CREB5: variants seen among roughly 807,000 people sequenced by gnomAD.
The protein encoded by CREB5 is cyclic AMP-responsive element-binding protein 5.
CREB5 carries 19 observed loss-of-function variants against 57.1 expected under a neutral mutation model. The observed-to-expected ratio is 0.33, with a 90% CI of 0.23 to 0.49. The LOEUF (loss-of-function observed/expected upper bound fraction) is 0.49. Among genes scored for constraint, CREB5 ranks in the 20% least tolerant of loss-of-function variants. The pLI is 0.99. For synonymous variants in CREB5, 238 were observed against 238.3 expected (o/e 1.00, Z 0.01); for missense variants, 579 against 671.6 (o/e 0.86, Z 1.52).
At chr7:28,299,328 T>C (rs1331543709) in exon 1 of CREB5, 5 of 152,226 alleles carry the variant, frequency 3.3e-5, no homozygotes. Context: ...TTTGATCTGA[T>C]GAATCCAAGG....
At chr7:28,788,349 C>T (rs1807458154) in intron 7 of CREB5, among the ~76,000 whole-genome samples, 1 of 152,160 alleles carries the variant, frequency 6.6e-6, no homozygotes, top group South Asian at 2.1e-4. Flanking sequence ...TAGGTTAAGC[C>T]ATGACCAGGT....
chr7:28,638,850 A>G (rs1798533112), intron 5 of CREB5, among the ~76,000 whole-genome samples: 2 of 152,166 alleles, frequency 1.3e-5, no homozygotes, highest in Admixed American at 6.5e-5. Flanking sequence ...TTGCTCCTCC[A>G]AAAGAGTGGT....
chr7:28,535,519 TC>T (rs1793918004), intron 4 of CREB5, among the ~76,000 whole-genome samples: 1 of 139,500 alleles, frequency 7.2e-6, no homozygotes, highest in Non-Finnish European at 1.6e-5. Flanking sequence ...TACCTTACTT[TC>T]CTTCACTTAT....
chr7:28,655,490 G>A lies in CREB5; in HGVS notation c.465-63263G>A, dbSNP rs549902999. On this transcript the variant is annotated intron_variant, in intron 5 of 10. Coordinates refer to ENST00000357727, the MANE Select transcript of CREB5 (RefSeq NM_182898.4). ...GCCAGGCATTGTGGCACATACCTGT[G>A]GTCCTAGCTACTCAGGAAGCTGAGG... 2.3e-4 allele frequency among the ~76,000 whole-genome samples: 35 copies of A among 152,084 alleles called. No individual in the cohort carries two copies. The South Asian group carries it at 6.5e-3, about 28-fold the overall frequency.
chr7:28,611,502 A>AAAAT (rs1173150248), intron 5 of CREB5, among the ~76,000 whole-genome samples: 6 of 147,504 alleles, frequency 4.1e-5, no homozygotes, highest in Non-Finnish European at 7.5e-5. Context: ...AAAAAAAAAA[A>AAAAT]AAAAAAAAAA....
intron 4 of CREB5, among the ~76,000 whole-genome samples, chr7:28,545,918 T>C (rs890332260): frequency 6.6e-6 from 1 of 152,220 alleles, no homozygotes; most frequent in African/African-American, 2.4e-5. Context: ...CACTTCTTCA[T>C]TGCTTCTAAC....
chr7:28,788,842 A>AG, intron 7 of CREB5, among the ~76,000 whole-genome samples: 1 of 152,030 alleles, frequency 6.6e-6, no homozygotes, highest in East Asian at 1.9e-4. Context: ...AAAAAAAAAA[A>AG]AAAGCCATGG....
chr7:28,516,178 T>TA (rs1454259260), intron 4 of CREB5, among the ~76,000 whole-genome samples: 5 of 152,066 alleles, frequency 3.3e-5, no homozygotes, highest in African/African-American at 1.2e-4. Flanking sequence ...CGCACCACTG[T>TA]ACTCGACTGA....
chr7:28,759,899 G>A (rs1441898549), intron 7 of CREB5, among the ~76,000 whole-genome samples: 5 of 152,182 alleles, frequency 3.3e-5, no homozygotes, highest in Non-Finnish European at 7.3e-5. Context: ...GAAATGGAAA[G>A]CTTGCCAATT....
chr7:28,773,121 G>GT (rs899721812), intron 7 of CREB5, among the ~76,000 whole-genome samples: 82 of 151,974 alleles, frequency 5.4e-4, no homozygotes, highest in African/African-American at 1.9e-3. Context: ...TTTAATATCT[G>GT]TTTTTTAAAA....
intron 1 of CREB5, among the ~76,000 whole-genome samples, chr7:28,319,714 T>C (rs1314104609): frequency 6.6e-6 from 1 of 152,132 alleles, no homozygotes; most frequent in African/African-American, 2.4e-5. Flanking sequence ...AGAGTGAGCA[T>C]CCCCGAAGTC....
chr7:28,708,783 T>C (rs888549511), intron 5 of CREB5, among the ~76,000 whole-genome samples: 27 of 152,198 alleles, frequency 1.8e-4, no homozygotes, highest in African/African-American at 6.5e-4. Flanking sequence ...AATTGCTGAC[T>C]TGGAGCTCAG....
chr7:28,802,001 C>T (rs141294084), intron 7 of CREB5, among the ~76,000 whole-genome samples: 4,639 of 139,782 alleles, frequency 0.033, 103 homozygotes, highest in Non-Finnish European at 0.046. Flanking sequence ...AGGAGAATCG[C>T]TTGAACCCGG....
chr7:28,317,208 C>T (rs1217880463), intron 1 of CREB5, among the ~76,000 whole-genome samples: 1 of 152,082 alleles, frequency 6.6e-6, no homozygotes, highest in Non-Finnish European at 1.5e-5. Flanking sequence ...ACTGACATCT[C>T]ACACAGAAAA....
At chr7:28,470,384 A>G (rs1583502200) in intron 1 of CREB5, among the ~76,000 whole-genome samples, 1 of 152,066 alleles carries the variant, frequency 6.6e-6, no homozygotes, top group Middle Eastern at 3.2e-3. Flanking sequence ...TTTCATCCAT[A>G]TTGTTGCAAA....
chr7:28,497,287 A>G (rs1447387444), intron 3 of CREB5, among the ~76,000 whole-genome samples: 1 of 152,264 alleles, frequency 6.6e-6, no homozygotes, highest in African/African-American at 2.4e-5. Flanking sequence ...GCATTCTTCT[A>G]TATAGTGCCT....
chr7:28,527,391 TG>T (rs1769941056), intron 4 of CREB5, among the ~76,000 whole-genome samples: 2 of 152,222 alleles, frequency 1.3e-5, no homozygotes, highest in South Asian at 4.1e-4. Flanking sequence ...CAATGTGACC[TG>T]GGACTGTGCT....
At chr7:28,768,121 A>G (rs1806107292) in intron 7 of CREB5, among the ~76,000 whole-genome samples, 1 of 152,148 alleles carries the variant, frequency 6.6e-6, no homozygotes, top group Admixed American at 6.5e-5. Flanking sequence ...CCTTGTAGAC[A>G]GGAGTTGGGG....
chr7:28,783,778 C>G (rs1373381191), intron 7 of CREB5, among the ~76,000 whole-genome samples: 1 of 152,160 alleles, frequency 6.6e-6, no homozygotes, highest in Admixed American at 6.5e-5. Flanking sequence ...TGGGAATTAA[C>G]TCTAACCGGT....
Sources: gnomAD v4.1 joint callset for allele counts (sites outside exome capture counted in the v4.1 genomes callset) on GRCh38, gnomAD v4.1.1 for gene constraint, MANE v1.5 for transcripts, NCBI Gene and HGNC (gene_info 2026-07-23, HGNC 2026-07-21) for gene names.